Variants in CCDC85A observed in about 807,000 individuals in gnomAD.
CCDC85A encodes the protein coiled-coil domain-containing protein 85A.
CCDC85A carries 38 observed loss-of-function variants against 50.2 expected under a neutral mutation model. The observed-to-expected ratio is 0.76, with a 90% confidence interval of 0.58 to 0.99. The LOEUF (loss-of-function observed/expected upper bound fraction) is 0.99. Among genes scored for constraint, CCDC85A ranks in the 50% least tolerant of loss-of-function variants. CCDC85A has a pLI of 0.00. For missense variants in CCDC85A, 820 were observed against 742.0 expected, an observed-to-expected ratio of 1.11 and a Z score of -1.22; for synonymous variants, 366 against 301.4, an observed-to-expected ratio of 1.21 and a Z score of -2.22.
intron 1 of CCDC85A, among the ~76,000 whole-genome samples, chr2:56,185,345 G>A (rs1675971323): frequency 6.6e-6 from 1 of 152,200 alleles, no homozygotes; most frequent in East Asian, 1.9e-4. Flanking sequence ...CAGAGGGCGA[G>A]GAAAGGGCGC....
At chr2:56,338,140 G>T (rs1295463242) in intron 2 of CCDC85A, among the ~76,000 whole-genome samples, 1 of 152,004 alleles carries the variant, frequency 6.6e-6, no homozygotes, top group South Asian at 2.1e-4. Context: ...GCTGTTTTTT[G>T]ATGCTCTTTT....
At chr2:56,373,915 G>T (rs1317978955) in intron 4 of CCDC85A, among the ~76,000 whole-genome samples, 1 of 152,154 alleles carries the variant, frequency 6.6e-6, no homozygotes, top group Non-Finnish European at 1.5e-5. Context: ...GATTCCAAAG[G>T]ATCCAAAGTA....
At chr2:56,345,980 G>A (rs1409148783) in intron 3 of CCDC85A, among the ~76,000 whole-genome samples, 6 of 152,122 alleles carry the variant, frequency 3.9e-5, no homozygotes, top group Admixed American at 6.5e-5. Flanking sequence ...TTATTAAAGC[G>A]TGTCCATTTG....
chr2:56,342,265 A>G (rs1674411051), intron 2 of CCDC85A, among the ~76,000 whole-genome samples: 1 of 151,968 alleles, frequency 6.6e-6, no homozygotes, highest in South Asian at 2.1e-4. Flanking sequence ...TTTAAGAAAG[A>G]TTTGTGGAAA....
At chr2:56,369,916 A>G (rs1010448047) in intron 3 of CCDC85A, among the ~76,000 whole-genome samples, 4 of 152,168 alleles carry the variant, frequency 2.6e-5, no homozygotes, top group Admixed American at 2.6e-4. Flanking sequence ...GTACAGTTAT[A>G]GCGAAACTTA....
At chr2:56,328,004 T>C (rs1673564584) in intron 2 of CCDC85A, among the ~76,000 whole-genome samples, 1 of 152,132 alleles carries the variant, frequency 6.6e-6, no homozygotes, top group Admixed American at 6.5e-5. Context: ...ATTATCTGCT[T>C]TATCCGATGA....
chr2:56,253,521 G>T (rs1366049027), intron 2 of CCDC85A, among the ~76,000 whole-genome samples: 1 of 152,148 alleles, frequency 6.6e-6, no homozygotes, highest in Non-Finnish European at 1.5e-5. Context: ...CCTAAAAGCA[G>T]CTGAGTTAGG....
chr2:56,336,164 A>T (rs369358749), intron 2 of CCDC85A, among the ~76,000 whole-genome samples: 59 of 151,394 alleles, frequency 3.9e-4, no homozygotes, highest in African/African-American at 1.3e-3. Flanking sequence ...TTATTTATTT[A>T]TTTTTTCAGA....
intron 2 of CCDC85A, among the ~76,000 whole-genome samples, chr2:56,259,562 A>T: frequency 6.6e-6 from 1 of 152,160 alleles, no homozygotes; most frequent in East Asian, 1.9e-4. Context: ...GGATGCCCAT[A>T]AAGTTGTAGC....
rs190821475 is a variant in CCDC85A at position 56,304,775 on chromosome 2, G to A, written c.1241-38104G>A. Among the ~76,000 whole-genome samples, 16 of 152,012 alleles carry A rather than the reference G, an allele frequency of 1.1e-4. No homozygotes were observed. In the East Asian group the frequency reaches 2.7e-3, roughly 26 times the overall value. On this transcript the variant is annotated intron_variant, in intron 2 of 5. Transcript: ENST00000407595. ...AAAACTGTATGGGATAAGGCTGGGC[G>A]CAGCGGCTCACACCTGCAATCCCAG...
chr2:56,376,209 A>G (rs962719305), intron 5 of CCDC85A, among the ~76,000 whole-genome samples: 7 of 152,184 alleles, frequency 4.6e-5, no homozygotes, highest in Non-Finnish European at 8.8e-5. Flanking sequence ...CAGTCTGTGC[A>G]TGTATATCCA....
intron 2 of CCDC85A, among the ~76,000 whole-genome samples, chr2:56,298,886 G>A (rs188523103): frequency 2.5e-4 from 38 of 152,250 alleles, no homozygotes; most frequent in Admixed American, 9.8e-4. Context: ...GAGAGGCCTG[G>A]GAGGAGGCTG....
intron 2 of CCDC85A, among the ~76,000 whole-genome samples, chr2:56,198,721 A>T (rs1676623457): frequency 6.6e-6 from 1 of 152,252 alleles, no homozygotes; most frequent in Non-Finnish European, 1.5e-5. Context: ...ACTGACAATG[A>T]TAGCACAATG....
At chr2:56,345,197 G>A (rs1216319608) in intron 3 of CCDC85A, among the ~76,000 whole-genome samples, 1 of 151,932 alleles carries the variant, frequency 6.6e-6, no homozygotes, top group Non-Finnish European at 1.5e-5. Context: ...ATTTTGTTTT[G>A]TTTCATTTTT....
At chr2:56,257,839 T>C (rs963915305) in intron 2 of CCDC85A, among the ~76,000 whole-genome samples, 1 of 152,116 alleles carries the variant, frequency 6.6e-6, no homozygotes, top group African/African-American at 2.4e-5. Flanking sequence ...GAGGAGAAGA[T>C]ATAAAAGATG....
intron 2 of CCDC85A, among the ~76,000 whole-genome samples, chr2:56,295,206 G>C (rs1024732616): frequency 2.0e-5 from 3 of 152,064 alleles, no homozygotes; most frequent in African/African-American, 7.2e-5. Context: ...TCTTGTCTCA[G>C]AGCTTCAAAG....
chr2:56,302,921 C>T (rs1248767006), intron 2 of CCDC85A, among the ~76,000 whole-genome samples: 1 of 152,152 alleles, frequency 6.6e-6, no homozygotes, highest in Non-Finnish European at 1.5e-5. Context: ...AATCAACAGG[C>T]TTCATTAGGG....
intron 2 of CCDC85A, among the ~76,000 whole-genome samples, chr2:56,277,894 A>G (rs1671031095): frequency 6.6e-6 from 1 of 152,218 alleles, no homozygotes; most frequent in African/African-American, 2.4e-5. Context: ...AGTAACTCAA[A>G]GACATTAGGA....
chr2:56,362,583 A>G (rs1341408621), intron 3 of CCDC85A, among the ~76,000 whole-genome samples: 1 of 151,854 alleles, frequency 6.6e-6, no homozygotes, highest in Non-Finnish European at 1.5e-5. Context: ...AGAGAGACCC[A>G]ATTAGCTTTT....
Sources: allele counts gnomAD v4.1 joint callset (sites outside exome capture counted in the v4.1 genomes callset), GRCh38; gene constraint gnomAD v4.1.1; transcripts MANE v1.5; gene names NCBI Gene and HGNC (gene_info 2026-07-23, HGNC 2026-07-21).